Variants in DAB1 observed in about 807,000 individuals in gnomAD.
DAB1 encodes disabled homolog 1.
Under a neutral mutation model 64.6 loss-of-function variants are expected in DAB1, and 15 were observed. The ratio of observed to expected loss-of-function variants is 0.23; its 90% CI spans 0.16 to 0.36. The LOEUF is 0.36. DAB1 is among the 10% of genes least tolerant of loss of function. DAB1 has a pLI of 1.00. For missense variants in DAB1, 596 were observed against 706.7 expected, an observed-to-expected ratio of 0.84 and a Z score of 1.78; for synonymous variants, 235 against 251.9, an observed-to-expected ratio of 0.93 and a Z score of 0.64.
intron 3 of DAB1, among the ~76,000 whole-genome samples, chr1:58,412,776 C>T (rs1473894021): frequency 1.3e-5 from 2 of 152,172 alleles, no homozygotes; most frequent in African/African-American, 4.8e-5. Context: ...AGGATTCAAA[C>T]CCCAGTTCTA....
chr1:58,310,996 C>T (rs1662418225), intron 4 of DAB1, among the ~76,000 whole-genome samples: 1 of 152,122 alleles, frequency 6.6e-6, no homozygotes, highest in African/African-American at 2.4e-5. Context: ...TCTCCCTGAG[C>T]AGTCCTCAAC....
chr1:58,155,969 C>A (rs758240097), intron 4 of DAB1, among the ~76,000 whole-genome samples: 8 of 152,156 alleles, frequency 5.3e-5, no homozygotes, highest in East Asian at 1.9e-4. Context: ...TTGCTTTCTG[C>A]CTGTCTGTTG....
At chr1:58,332,720 C>G (rs1663000096) in intron 4 of DAB1, among the ~76,000 whole-genome samples, 1 of 152,206 alleles carries the variant, frequency 6.6e-6, no homozygotes, top group South Asian at 2.1e-4. Context: ...ACAATCAGGA[C>G]AGAAATATGG....
intron 7 of DAB1, among the ~76,000 whole-genome samples, chr1:57,490,547 G>A (rs1356078940): frequency 2.0e-5 from 3 of 151,624 alleles, no homozygotes; most frequent in Admixed American, 6.6e-5. Context: ...ATCTCAACCC[G>A]TAACTTCCTT....
At chr1:58,265,591 A>G (rs1205441713) in intron 4 of DAB1, among the ~76,000 whole-genome samples, 25 of 152,226 alleles carry the variant, frequency 1.6e-4, no homozygotes, top group Admixed American at 1.5e-3. Context: ...TTCATATTAC[A>G]TGAAAGAATA....
chr1:58,300,612 G>GAAAGAAAGAAAGAAAGAA lies in DAB1; in HGVS notation n.309+42739_309+42740insTTCTTTCTTTCTTTCTTT, dbSNP rs1456432665. On this transcript the variant is annotated intron_variant and non_coding_transcript_variant, in intron 4 of 20. Coordinates refer to the DAB1 transcript ENST00000485760. ...AGAAAGAAAGAAAGAAAGAAAGAAA[G>GAAAGAAAGAAAGAAAGAA]AGAGAGAGAGAGAGAGAGAGAGAGA... 1.8e-3 allele frequency among the ~76,000 whole-genome samples: 81 copies of GAAAGAAAGAAAGAAAGAA among 44,556 alleles called. 1 individual carries two copies. Among genetic ancestry groups the GAAAGAAAGAAAGAAAGAA allele is most frequent in the African/African-American group, 4.9e-3 (67 of 13,616 alleles). 29.2% of individuals were successfully genotyped at this position (44,556 alleles called of 152,430 possible).
chr1:58,506,975 G>T (rs189062092), intron 2 of DAB1, among the ~76,000 whole-genome samples: 1 of 151,910 alleles, frequency 6.6e-6, no homozygotes, highest in East Asian at 1.9e-4. Flanking sequence ...ATACTCATAC[G>T]TATATACTTG....
intron 2 of DAB1, among the ~76,000 whole-genome samples, chr1:57,269,644 C>T (rs1670842123): frequency 6.6e-6 from 1 of 152,180 alleles, no homozygotes; most frequent in Non-Finnish European, 1.5e-5. Flanking sequence ...TCCTCCACTC[C>T]TTTCTGAATA....
chr1:58,070,350 A>G (rs1649155490), intron 5 of DAB1, among the ~76,000 whole-genome samples: 1 of 152,330 alleles, frequency 6.6e-6, no homozygotes, highest in Admixed American at 6.5e-5. Context: ...ATGCTGGCAA[A>G]GATGTCACAC....
intron 2 of DAB1, among the ~76,000 whole-genome samples, chr1:57,182,648 A>G (rs564048056): frequency 1.3e-5 from 2 of 152,318 alleles, no homozygotes; most frequent in East Asian, 1.9e-4. Flanking sequence ...TATAAAACGT[A>G]TATTAGTTTC....
chr1:57,921,260 G>A (rs894951693), intron 5 of DAB1, among the ~76,000 whole-genome samples: 5 of 152,154 alleles, frequency 3.3e-5, no homozygotes, highest in African/African-American at 1.2e-4. Flanking sequence ...ACCCATGCAC[G>A]TGTATATTCT....
intron 2 of DAB1, among the ~76,000 whole-genome samples, chr1:57,155,474 T>C (rs1287889239): frequency 6.6e-6 from 1 of 151,938 alleles, no homozygotes; most frequent in Non-Finnish European, 1.5e-5. Flanking sequence ...CTTCCAGTTT[T>C]GTTTTTGTTT....
chr1:58,337,005 G>A (rs1011165103), intron 4 of DAB1, among the ~76,000 whole-genome samples: 9 of 152,034 alleles, frequency 5.9e-5, no homozygotes, highest in Non-Finnish European at 8.8e-5. Flanking sequence ...AGCAAAGGCC[G>A]GGTGCGGTGG....
At position 57,344,132 on chromosome 1, in the gene DAB1, C is replaced by G. The variant is rs141950447; in HGVS notation, c.-136-52966G>C. Among the ~76,000 whole-genome samples, 697 of 152,318 alleles carry G rather than the reference C, an allele frequency of 4.6e-3. 16 individuals carry two copies. Among genetic ancestry groups the G allele is most frequent in the East Asian group, 0.013 (69 of 5,182 alleles). ...GCTCAAGAAAGATAATTAACCGGTC[C>G]CCACCCACATAACCAGTAAATGGCA... On this transcript the variant is annotated intron_variant, in intron 1 of 14. Coordinates refer to ENST00000371236, the MANE Select transcript of DAB1 (RefSeq NM_001365792.1).
chr1:58,051,212 C>T (rs914824069), intron 5 of DAB1, among the ~76,000 whole-genome samples: 2 of 151,890 alleles, frequency 1.3e-5, no homozygotes, highest in African/African-American at 2.4e-5. Context: ...CCCCAGCCCC[C>T]GATGGGCCCC....
intron 4 of DAB1, among the ~76,000 whole-genome samples, chr1:58,335,911 T>C (rs1301495822): frequency 6.6e-6 from 1 of 152,166 alleles, no homozygotes; most frequent in Non-Finnish European, 1.5e-5. Flanking sequence ...CTGCATTACC[T>C]ACAAGGTGCT....
intron 7 of DAB1, among the ~76,000 whole-genome samples, chr1:57,529,960 G>A (rs1644642211): frequency 6.6e-6 from 1 of 152,008 alleles, no homozygotes; most frequent in Non-Finnish European, 1.5e-5. Flanking sequence ...CTAGATATAT[G>A]AGTATACAAA....
At chr1:57,316,776 A>G (rs2100750937) in intron 1 of DAB1, among the ~76,000 whole-genome samples, 1 of 152,158 alleles carries the variant, frequency 6.6e-6, no homozygotes, top group Middle Eastern at 3.4e-3. Context: ...AATCAAACCA[A>G]CAGTGACGGC....
intron 4 of DAB1, among the ~76,000 whole-genome samples, chr1:58,196,278 C>T (rs759757907): frequency 6.6e-6 from 1 of 152,168 alleles, no homozygotes; most frequent in African/African-American, 2.4e-5. Context: ...AAAGTTGGAG[C>T]ACCAAGTATG....
Sources: gnomAD v4.1 joint callset for allele counts (sites outside exome capture counted in the v4.1 genomes callset) on GRCh38, gnomAD v4.1.1 for gene constraint, MANE v1.5 for transcripts, NCBI Gene and HGNC (gene_info 2026-07-23, HGNC 2026-07-21) for gene names.